Variants in PLCB1 observed in about 807,000 individuals in gnomAD.
PLCB1 encodes the protein 1-phosphatidylinositol 4,5-bisphosphate phosphodiesterase beta-1.
A neutral mutation model predicts 161.8 loss-of-function variants in PLCB1; 46 were observed. That is an observed-to-expected ratio of 0.28 (90% CI 0.22 to 0.36). The LOEUF is 0.36. Among genes scored for constraint, PLCB1 ranks in the 10% least tolerant of loss-of-function variants. PLCB1 has a pLI of 1.00. For synonymous variants in PLCB1, 517 were observed against 503.7 expected, an observed-to-expected ratio of 1.03 and a Z score of -0.35; for missense variants, 1,016 against 1,472.5, an observed-to-expected ratio of 0.69 and a Z score of 5.07.
chr20:8,304,681 C>A (rs1396997481), intron 2 of PLCB1, among the ~76,000 whole-genome samples: 2 of 151,860 alleles, frequency 1.3e-5, no homozygotes, highest in Non-Finnish European at 2.9e-5. Flanking sequence ...TATGTAAATT[C>A]TAATTACTAT....
intron 2 of PLCB1, among the ~76,000 whole-genome samples, chr20:8,168,948 T>G (rs900487059): frequency 6.6e-6 from 1 of 152,178 alleles, no homozygotes; most frequent in Non-Finnish European, 1.5e-5. Flanking sequence ...CATGCATTTT[T>G]CTGGGATGAA....
At chr20:8,719,585 C>T (rs1979514544) in intron 14 of PLCB1, among the ~76,000 whole-genome samples, 1 of 152,074 alleles carries the variant, frequency 6.6e-6, no homozygotes, top group African/African-American at 2.4e-5. Context: ...ACCTATATAA[C>T]ACACAAAAAC....
At chr20:8,260,827 A>G (rs1981650264) in intron 2 of PLCB1, among the ~76,000 whole-genome samples, 2 of 152,282 alleles carry the variant, frequency 1.3e-5, no homozygotes, top group Non-Finnish European at 2.9e-5. Context: ...TGCTGCGGGT[A>G]CCAGTTACTA....
intron 2 of PLCB1, among the ~76,000 whole-genome samples, chr20:8,274,391 A>G (rs1317509568): frequency 1.3e-5 from 2 of 152,102 alleles, no homozygotes; most frequent in Admixed American, 1.3e-4. Context: ...TTGTTTTAAT[A>G]TTGATTGCCT....
chr20:8,767,998 C>T (rs563873312), intron 26 of PLCB1, among the ~76,000 whole-genome samples: 1 of 151,776 alleles, frequency 6.6e-6, no homozygotes, highest in South Asian at 2.1e-4. Context: ...GGTGAAACCC[C>T]ATCTCTACTA....
At chr20:8,293,347 T>C (rs1312443812) in intron 2 of PLCB1, among the ~76,000 whole-genome samples, 1 of 152,192 alleles carries the variant, frequency 6.6e-6, no homozygotes. Flanking sequence ...TTGGGAAGAA[T>C]GACTGGTTCA....
intron 31 of PLCB1, among the ~76,000 whole-genome samples, chr20:8,871,526 C>T (rs1987609277): frequency 6.6e-6 from 1 of 152,212 alleles, no homozygotes; most frequent in Admixed American, 6.5e-5. Context: ...TTGTGTGTGG[C>T]ACTCATTCAG....
chr20:8,660,008 AG>A (rs1171065910), intron 9 of PLCB1, among the ~76,000 whole-genome samples: 2 of 137,240 alleles, frequency 1.5e-5, no homozygotes, highest in South Asian at 2.3e-4. Context: ...AAAAAAAAAA[AG>A]AAGAAGAAGA....
At chr20:8,432,059 C>T (rs777235328) in intron 3 of PLCB1, among the ~76,000 whole-genome samples, 4 of 152,032 alleles carry the variant, frequency 2.6e-5, no homozygotes, top group Non-Finnish European at 4.4e-5. Flanking sequence ...GGAGGTCTCT[C>T]TAATATCTCT....
intron 3 of PLCB1, among the ~76,000 whole-genome samples, chr20:8,588,342 T>A (rs1600172772): frequency 6.6e-6 from 1 of 152,336 alleles, no homozygotes; most frequent in Non-Finnish European, 1.5e-5. Context: ...CTTTGATTTT[T>A]GTTTCTAACT....
At chr20:8,774,111 A>G (rs935363027) in intron 26 of PLCB1, among the ~76,000 whole-genome samples, 6 of 151,986 alleles carry the variant, frequency 3.9e-5, no homozygotes, top group African/African-American at 1.5e-4. Context: ...AGCTTCCTCT[A>G]ACAAAGTCTG....
At chr20:8,588,390 A>G (rs565112790) in intron 3 of PLCB1, among the ~76,000 whole-genome samples, 1 of 152,232 alleles carries the variant, frequency 6.6e-6, no homozygotes, top group Middle Eastern at 3.4e-3. Flanking sequence ...TTCATATTTT[A>G]TTACTTATAT....
chr20:8,321,840 T>C lies in PLCB1; in HGVS notation c.178-49542T>C, dbSNP rs555504745. 1.2e-4 allele frequency among the ~76,000 whole-genome samples: 18 copies of C among 152,296 alleles called. No homozygotes were observed. In the East Asian group the frequency reaches 2.5e-3, roughly 21 times the overall value. The stretch of plus-strand genomic sequence containing the variant: ...AGCCGACATGTCAGTGTCCCCTCGA[T>C]AGACATTCCCTTGGCATGCAGTATA... On this transcript the variant is annotated intron_variant, in intron 2 of 31. Coordinates refer to ENST00000338037, the MANE Select transcript of PLCB1 (RefSeq NM_015192.4).
At chr20:8,734,693 G>GA (rs1356070341) in intron 19 of PLCB1, among the ~76,000 whole-genome samples, 1 of 151,852 alleles carries the variant, frequency 6.6e-6, no homozygotes, top group South Asian at 2.1e-4. Context: ...ACTATGAAAG[G>GA]AAAATCAATT....
At chr20:8,715,670 TTA>T (rs1346174393) in intron 12 of PLCB1, among the ~76,000 whole-genome samples, 7 of 152,146 alleles carry the variant, frequency 4.6e-5, no homozygotes, top group African/African-American at 1.7e-4. Flanking sequence ...CCTGCTACTT[TTA>T]TCTTTCCTCC....
chr20:8,536,148 G>A (rs1199130376), intron 3 of PLCB1, among the ~76,000 whole-genome samples: 1 of 152,126 alleles, frequency 6.6e-6, no homozygotes, highest in East Asian at 1.9e-4. Context: ...GTCATGTAAG[G>A]ATGAGGGGAT....
chr20:8,601,002 G>T (rs1035130874), intron 3 of PLCB1, among the ~76,000 whole-genome samples: 1 of 152,134 alleles, frequency 6.6e-6, no homozygotes, highest in Non-Finnish European at 1.5e-5. Context: ...CCACTGTCTG[G>T]CACTCCCTAG....
At chr20:8,425,982 C>T (rs189061478) in intron 3 of PLCB1, among the ~76,000 whole-genome samples, 73 of 152,310 alleles carry the variant, frequency 4.8e-4, no homozygotes, top group African/African-American at 1.7e-3. Context: ...GGGAAACCTG[C>T]TTAAGCTCAC....
intron 3 of PLCB1, among the ~76,000 whole-genome samples, chr20:8,395,083 G>C (rs1987727506): frequency 6.6e-6 from 1 of 152,128 alleles, no homozygotes; most frequent in Admixed American, 6.5e-5. Context: ...ATCTGTGCAT[G>C]AATTACATTT....
Sources: allele counts gnomAD v4.1 joint callset (sites outside exome capture counted in the v4.1 genomes callset), GRCh38; gene constraint gnomAD v4.1.1; transcripts MANE v1.5; gene names NCBI Gene and HGNC (gene_info 2026-07-23, HGNC 2026-07-21).